RABL6: variants seen among roughly 807,000 people sequenced by gnomAD.
The protein encoded by RABL6 is rab-like protein 6.
Under a neutral mutation model 72.9 loss-of-function variants are expected in RABL6, and 28 were observed. The ratio of observed to expected loss-of-function variants is 0.38; its 90% CI spans 0.28 to 0.53. RABL6 has a LOEUF of 0.53. RABL6 is among the 20% of genes least tolerant of loss of function. RABL6 has a pLI of 0.80. For synonymous variants in RABL6, 477 were observed against 421.2 expected (o/e 1.13, Z -1.62); for missense variants, 1,029 against 1,008.4 (o/e 1.02, Z -0.28).
At chr9:136,828,733 A>C (rs1588362608) in intron 4 of RABL6, among the ~76,000 whole-genome samples, 187 bp downstream of exon 4, 1 of 152,062 alleles carries the variant, frequency 6.6e-6, no homozygotes, top group Non-Finnish European at 1.5e-5. Context: ...TGGCCGGCTC[A>C]CCTGCACTCG....
rs1007115719 is a variant in RABL6, at chr9:136,829,102, C to T, written c.367-291C>T. Among the ~76,000 whole-genome samples the T allele has an allele frequency of 1.1e-4, 16 of 152,196 alleles. No individual in the cohort carries two copies. The East Asian group carries it at 2.1e-3, about 20-fold the overall frequency. ...GTAGTCCAGCACCCACTTCTATTTT[C>T]GAGTGGTGGTTTGGTTATCCGTGAG... On this transcript the variant is annotated intron_variant, in intron 4 of 14. Transcript: ENST00000311502.
chr9:136,834,708 A>G (rs1848553108), intron 7 of RABL6, among the ~76,000 whole-genome samples: 1 of 151,784 alleles, frequency 6.6e-6, no homozygotes, highest in Non-Finnish European at 1.5e-5. Context: ...CGATCTCTTG[A>G]CCTCGTGATC....
intron 13 of RABL6, 109 bp downstream of exon 13, chr9:136,839,974 T>C: frequency 6.7e-7 from 1 of 1,498,720 alleles, no homozygotes; most frequent in Non-Finnish European, 9.1e-7. Flanking sequence ...TCCAGGATGC[T>C]GTGCCATGCT....
chr9:136,838,867 C>T, intron 10 of RABL6, 42 bp from the exon 11 acceptor site: 1 of 1,488,636 alleles, frequency 6.7e-7, no homozygotes, highest in Admixed American at 2.2e-5. Flanking sequence ...GCCAGCCATC[C>T]CTACCCCGTG....
intron 7 of RABL6, chr9:136,835,112 G>T (rs1334795375): frequency 6.6e-6 from 1 of 152,130 alleles, no homozygotes; most frequent in Non-Finnish European, 1.5e-5. Context: ...TAAAAAAAGA[G>T]AAGGGGCCGG....
intron 7 of RABL6, 177 bp downstream of exon 7, chr9:136,832,547 G>C: frequency 1.4e-6 from 1 of 709,188 alleles, no homozygotes; most frequent in Non-Finnish European, 2.6e-6. Flanking sequence ...GGTGGCAGAG[G>C]GTACAGGGTC....
At chr9:136,808,492 G>C in intron 1 of RABL6, 166 bp downstream of exon 1, 2 of 703,154 alleles carry the variant, frequency 2.8e-6, no homozygotes, top group Non-Finnish European at 3.9e-6. Flanking sequence ...GGGGACGCGA[G>C]GAGAGGCCAG....
intron 6 of RABL6, 35 bp downstream of exon 6, chr9:136,831,896 C>A: frequency 6.3e-7 from 1 of 1,583,022 alleles, no homozygotes; most frequent in South Asian, 1.1e-5. Flanking sequence ...AGGGACCCTG[C>A]CCGGTGCTCC....
chr9:136,821,607 C>G (rs1848239099), intron 1 of RABL6: 7 of 987,242 alleles, frequency 7.1e-6, no homozygotes, highest in Middle Eastern at 5.2e-4. Flanking sequence ...GGGCCGCGCC[C>G]GGGTTCCTGC....
At chr9:136,815,379 T>G (rs1848099190) in intron 1 of RABL6, 1 of 280,808 alleles carries the variant, frequency 3.6e-6, no homozygotes, top group Non-Finnish European at 7.2e-6. Flanking sequence ...AGCAGCCTTC[T>G]TGCCTTTCTC....
chr9:136,825,753 T>C, intron 2 of RABL6, 26 bp from the exon 3 acceptor site: 1 of 1,611,752 alleles, frequency 6.2e-7, no homozygotes, highest in African/African-American at 1.3e-5. Flanking sequence ...TGTTGGGCAC[T>C]AATTTTAGGA....
chr9:136,828,394 G>A (rs1281478613), intron 3 of RABL6, 100 bp from the exon 4 acceptor site: 22 of 1,232,956 alleles, frequency 1.8e-5, no homozygotes, highest in East Asian at 5.0e-5. Context: ...TAGAGCACCC[G>A]CTGGAGCTGG....
chr9:136,830,564 TCTCC>T (rs762931816), intron 5 of RABL6, among the ~76,000 whole-genome samples: 1 of 152,232 alleles, frequency 6.6e-6, no homozygotes, highest in South Asian at 2.1e-4. Flanking sequence ...GTGGTGCTCC[TCTCC>T]CTCCGGCCTC....
rs764433569 is a variant in RABL6, at chr9:136,837,599, CGCA to C, written c.1067_1069del (p.Ser356del). ...GTGCCCCTCAGCCCCCGCCCCACGG[CGCA>C]GCATCATCTCTAGGCTGTTTGGGAC... On this transcript the variant is annotated inframe_deletion, in exon 9 of 15. Transcript: ENST00000311502. 6.3e-6 allele frequency: 10 copies of C among 1,594,448 alleles called. No individual in the cohort carries two copies. Among genetic ancestry groups the C allele is most frequent in the Non-Finnish European group, 7.7e-6 (9 of 1,172,732 alleles).
intron 4 of RABL6, 102 bp from the exon 5 acceptor site, chr9:136,829,291 T>C (rs1588363248): frequency 3.4e-6 from 3 of 874,304 alleles, no homozygotes; most frequent in South Asian, 1.5e-5. Flanking sequence ...ATGGCTGTTA[T>C]CTTTTCAGAT....
At position 136,837,990 on chromosome 9, in the gene RABL6, A is replaced by G. The variant is rs1367464197; in HGVS notation, c.1255A>G (p.Lys419Glu). ...CAGGGACGAGAAGAAGGTGGGGGCC[A>G]AGGCTGCCCAGCAGGACAGCGACAG... is the stretch of plus-strand genomic sequence containing the variant. Reference protein sequence around the residue: ...PARDEKKVGAKAAQQDSDSDG... With the variant: ...PARDEKKVGAEAAQQDSDSDG... The change falls in exon 10 of 15, where the codon AAG becomes GAG. Residue 419 changes from lysine to glutamate, a missense_variant. By Grantham distance (56) the Lys-to-Glu change is moderately conservative. Coordinates refer to ENST00000311502, the MANE Select transcript of RABL6 (RefSeq NM_024718.5). 2 of 1,568,068 alleles carry G rather than the reference A, an allele frequency of 1.3e-6. No individual in the cohort carries two copies. The highest frequency in any genetic ancestry group is 2.3e-5 in the South Asian group (2 of 85,162).
chr9:136,839,487 G>A lies in RABL6; in HGVS notation c.1758+1G>A. On this transcript the variant is annotated splice_donor_variant, in intron 12 of 14. Coordinates refer to ENST00000311502, the MANE Select transcript of RABL6 (RefSeq NM_024718.5). LOFTEE classifies it high-confidence loss of function. ...GGGATCAGACACACAGCGCAGGGCG[G>A]TAAGACGAGTCCTCCCGGGGCAGAG... 1 of 1,607,192 alleles carries A rather than the reference G, an allele frequency of 6.2e-7. No homozygotes were observed. Among genetic ancestry groups the A allele is most frequent in the Non-Finnish European group, 8.5e-7 (1 of 1,175,742 alleles).
intron 7 of RABL6, chr9:136,833,939 C>G (rs1014424374): frequency 1.3e-6 from 2 of 1,548,024 alleles, no homozygotes; most frequent in Admixed American, 2.0e-5. Context: ...CTCCCCACTG[C>G]TCAGCTGCTC....
At chr9:136,833,969 C>G (rs1848535967) in intron 7 of RABL6, 1 of 1,534,774 alleles carries the variant, frequency 6.5e-7, no homozygotes, top group East Asian at 2.5e-5. Context: ...ATGGTTTGCC[C>G]TCCAAACCCT....
Sources: allele counts gnomAD v4.1 joint callset (sites outside exome capture counted in the v4.1 genomes callset), GRCh38; gene constraint gnomAD v4.1.1; transcripts MANE v1.5; gene names NCBI Gene and HGNC (gene_info 2026-07-23, HGNC 2026-07-21).